GATAD2A: variants seen among roughly 807,000 people sequenced by gnomAD.
GATAD2A encodes the protein transcriptional repressor p66-alpha.
In GATAD2A, 12 loss-of-function variants were observed where a neutral mutation model predicts 68.5. That is an observed-to-expected ratio of 0.18 (90% CI 0.11 to 0.28). The LOEUF (loss-of-function observed/expected upper bound fraction) is 0.28, where lower values mean the gene tolerates loss of function less well. Ranked by LOEUF, GATAD2A falls within the 10% of genes least tolerant of loss-of-function variation. GATAD2A has a pLI of 1.00. For synonymous variants in GATAD2A, 410 were observed against 375.3 expected (o/e 1.09, Z -1.07); for missense variants, 755 against 868.5 (o/e 0.87, Z 1.64).
intron 1 of GATAD2A, among the ~76,000 whole-genome samples, chr19:19,454,737 C>A (rs999591265): frequency 2.3e-5 from 3 of 131,198 alleles, no homozygotes; most frequent in Non-Finnish European, 5.1e-5. Flanking sequence ...TGCCCCCCCC[C>A]ACCCCCTTAG....
Position 19,492,319 on chromosome 19 carries a change from G to A in GATAD2A, c.283G>A (p.Glu95Lys), listed in dbSNP as rs200305535. 5.1e-4 allele frequency: 812 copies of A among 1,604,474 alleles called. 1 individual carries two copies. Among genetic ancestry groups the A allele is most frequent in the Middle Eastern group, 1.6e-3 (10 of 6,078 alleles). The change falls in exon 3 of 12, where the codon GAG (glutamate) becomes AAG (lysine). Residue 95 changes from glutamate (E) to lysine (K), a missense_variant. Glu to Lys is a moderately conservative substitution (Grantham distance 56). Transcript: ENST00000683918. The stretch of plus-strand genomic sequence containing the variant: ...TCCACCCCACAGTGACATGAAGTCC[G>A]AGAGGAGACCCCCCTCACCTGACGT... ...MRTSHSDMKS[E>K]RRPPSPDVIV...
chr19:19,444,312 G>A (rs892933861), intron 1 of GATAD2A, among the ~76,000 whole-genome samples: 1 of 152,136 alleles, frequency 6.6e-6, no homozygotes, highest in Admixed American at 6.5e-5. Context: ...TTCGTGAACA[G>A]TAGTGCTTAG....
intron 1 of GATAD2A, among the ~76,000 whole-genome samples, chr19:19,397,453 G>T (rs891765659): frequency 6.6e-6 from 1 of 151,978 alleles, no homozygotes; most frequent in Non-Finnish European, 1.5e-5. Flanking sequence ...TCGAACTCCC[G>T]ACCTCAGGCG....
chr19:19,422,825 C>T (rs932119672), intron 1 of GATAD2A, among the ~76,000 whole-genome samples: 2 of 151,826 alleles, frequency 1.3e-5, no homozygotes, highest in African/African-American at 4.8e-5. Flanking sequence ...CACTCTTCTG[C>T]CTCAGCCTCC....
upstream of GATAD2A, among the ~76,000 whole-genome samples, chr19:19,404,766 T>G (rs2050038495): frequency 6.6e-6 from 1 of 152,132 alleles, no homozygotes; most frequent in Non-Finnish European, 1.5e-5. Context: ...TACATATAGA[T>G]TTATTAGGGT....
At chr19:19,455,562 A>G (rs915205118) in intron 1 of GATAD2A, among the ~76,000 whole-genome samples, 16 of 152,174 alleles carry the variant, frequency 1.1e-4, no homozygotes, top group Non-Finnish European at 2.4e-4. Context: ...AATACAAATA[A>G]AACTATAGTA....
At position 19,498,526 on chromosome 19, in the gene GATAD2A, C is replaced by T. The variant is rs749600702; in HGVS notation, c.1008C>T (p.Thr336=). ...CCACTAGTGTGGCCTCTGTGGTCAC[C>T]TCTGCCGAGTCTCCAGCAAGCCGAC... ...STPTSVASVV[T]SAESPASRQA... The change falls in exon 8 of 12, where the codon ACC becomes ACT. Residue 336 remains threonine (T), a synonymous_variant. Coordinates refer to ENST00000683918, the MANE Select transcript of GATAD2A (RefSeq NM_001384528.1). 8.7e-6 allele frequency: 14 copies of T among 1,613,776 alleles called. No homozygotes were observed. The highest frequency in any genetic ancestry group is 3.3e-5 in the South Asian group (3 of 91,092).
intron 1 of GATAD2A, among the ~76,000 whole-genome samples, chr19:19,456,437 G>A (rs12610581): frequency 3.3e-5 from 5 of 152,250 alleles, no homozygotes; most frequent in Middle Eastern, 3.4e-3. Context: ...TGCAACATTT[G>A]TATATTTCTT....
At chr19:19,451,815 T>C (rs1176760605) in intron 1 of GATAD2A, among the ~76,000 whole-genome samples, 1 of 152,228 alleles carries the variant, frequency 6.6e-6, no homozygotes, top group Non-Finnish European at 1.5e-5. Context: ...TACTGTTCTT[T>C]TGTTCAGAAT....
At chr19:19,484,141 C>A (rs1259063718) in intron 2 of GATAD2A, among the ~76,000 whole-genome samples, 2 of 152,162 alleles carry the variant, frequency 1.3e-5, no homozygotes, top group Non-Finnish European at 2.9e-5. Flanking sequence ...AAGATATTGC[C>A]CGGACTGGCC....
chr19:19,421,597 G>A (rs1386588512), intron 1 of GATAD2A, among the ~76,000 whole-genome samples: 1 of 152,116 alleles, frequency 6.6e-6, no homozygotes. Context: ...CCCTGTGTTT[G>A]TTTGCCTGCC....
chr19:19,391,814 G>A (rs1248495512), intron 1 of GATAD2A, among the ~76,000 whole-genome samples: 1 of 152,132 alleles, frequency 6.6e-6, no homozygotes, highest in Non-Finnish European at 1.5e-5. Context: ...AAAAACTGTT[G>A]ATTTATGGAA....
rs951391625 is a variant in GATAD2A, at chr19:19,505,742, A to G, written c.*268A>G. The G allele has an allele frequency of 4.3e-6, 2 of 464,650 alleles. No homozygotes were observed. The highest frequency in any genetic ancestry group is 7.1e-5 in the East Asian group (2 of 28,116). 28.8% of individuals were successfully genotyped at this position (464,650 alleles called of 1,614,324 possible). ...TTTCTTCCTTTCTCTCTTTGCCTTT[A>G]GTTTGCCCGACACCAGCAGAAAAGT... On this transcript the variant is annotated 3_prime_UTR_variant, in exon 12 of 12. Transcript: ENST00000683918.
chr19:19,477,549 A>G (rs1461939243), intron 2 of GATAD2A, among the ~76,000 whole-genome samples: 2 of 152,108 alleles, frequency 1.3e-5, no homozygotes, highest in Non-Finnish European at 2.9e-5. Context: ...CCCAGAAATC[A>G]TGGTGCACCG....
chr19:19,483,288 T>C (rs926623890), intron 2 of GATAD2A, among the ~76,000 whole-genome samples: 1 of 152,166 alleles, frequency 6.6e-6, no homozygotes, highest in African/African-American at 2.4e-5. Context: ...CCATAATGGA[T>C]TCCCAGAGCG....
chr19:19,426,364 G>A (rs1043360975), intron 1 of GATAD2A, among the ~76,000 whole-genome samples: 1 of 152,168 alleles, frequency 6.6e-6, no homozygotes, highest in Non-Finnish European at 1.5e-5. Flanking sequence ...CTTGGCTTAT[G>A]GCTGTGAGAC....
upstream of GATAD2A, chr19:19,401,917 G>C (rs916292190): frequency 1.3e-5 from 2 of 152,172 alleles, no homozygotes; most frequent in African/African-American, 4.8e-5. Flanking sequence ...ACAGGCTCAG[G>C]TGGTGTTTAG....
intron 1 of GATAD2A, among the ~76,000 whole-genome samples, chr19:19,387,791 G>T (rs2146791539): frequency 6.6e-6 from 1 of 152,188 alleles, no homozygotes; most frequent in African/African-American, 2.4e-5. Flanking sequence ...TTTCTGAGGG[G>T]TCCCCAGTTT....
intron 2 of GATAD2A, among the ~76,000 whole-genome samples, chr19:19,470,590 T>C (rs1314184832): frequency 1.3e-5 from 2 of 152,270 alleles, no homozygotes; most frequent in African/African-American, 4.8e-5. Context: ...CTAGACAAAA[T>C]TGGCAAGGTA....
Sources: allele counts gnomAD v4.1 joint callset (sites outside exome capture counted in the v4.1 genomes callset), GRCh38; gene constraint gnomAD v4.1.1; transcripts MANE v1.5; gene names NCBI Gene and HGNC (gene_info 2026-07-23, HGNC 2026-07-21).